HIBADH: variants seen among roughly 807,000 people sequenced by gnomAD.
HIBADH encodes 3-hydroxyisobutyrate dehydrogenase, mitochondrial.
Under a neutral mutation model 36.1 loss-of-function variants are expected in HIBADH, and 25 were observed. The ratio of observed to expected loss-of-function variants is 0.69; its 90% confidence interval spans 0.50 to 0.97. The LOEUF is 0.97. Ranked by LOEUF, HIBADH falls within the 50% of genes least tolerant of loss-of-function variation. The probability of loss-of-function intolerance (pLI) is 0.00; values close to 1 mark genes in which losing one functional copy is unlikely to be tolerated. For missense variants in HIBADH, 421 were observed against 418.0 expected (o/e 1.01, Z -0.06); for synonymous variants, 160 against 149.5 (o/e 1.07, Z -0.51).
chr7:27,600,348 T>A (rs181300049), intron 4 of HIBADH, among the ~76,000 whole-genome samples: 1 of 152,246 alleles, frequency 6.6e-6, no homozygotes, highest in Non-Finnish European at 1.5e-5. Flanking sequence ...ATCATTGAAG[T>A]CAGGCAAAGC....
chr7:27,585,718 C>A (rs1784852443), intron 4 of HIBADH, among the ~76,000 whole-genome samples: 1 of 152,106 alleles, frequency 6.6e-6, no homozygotes, highest in Non-Finnish European at 1.5e-5. Flanking sequence ...TTGGTTTCAC[C>A]AGATTTTGGT....
intron 1 of HIBADH, among the ~76,000 whole-genome samples, chr7:27,653,559 C>A (rs926100921): frequency 2.6e-5 from 4 of 151,988 alleles, no homozygotes; most frequent in African/African-American, 9.7e-5. Context: ...CATGGTGAAA[C>A]CCCGTCTCTA....
intron 6 of HIBADH, among the ~76,000 whole-genome samples, chr7:27,538,056 T>C (rs1465112779): frequency 2.6e-5 from 4 of 152,154 alleles, no homozygotes; most frequent in South Asian, 2.1e-4. Flanking sequence ...TTCAACATAA[T>C]AGAAGAAATG....
intron 2 of HIBADH, among the ~76,000 whole-genome samples, chr7:27,633,535 A>T (rs1159312633): frequency 2.8e-4 from 42 of 152,170 alleles, no homozygotes; most frequent in Non-Finnish European, 1.5e-4. Context: ...GGGGCGCACC[A>T]GTAGTCCCAG....
At chr7:27,594,389 C>A (rs141326164) in intron 4 of HIBADH, among the ~76,000 whole-genome samples, 4 of 152,056 alleles carry the variant, frequency 2.6e-5, no homozygotes, top group Non-Finnish European at 5.9e-5. Flanking sequence ...GTGATCCACC[C>A]GCCTTGGCCT....
At chr7:27,647,044 T>G (rs1786086054) in intron 2 of HIBADH, among the ~76,000 whole-genome samples, 1 of 152,166 alleles carries the variant, frequency 6.6e-6, no homozygotes, top group Non-Finnish European at 1.5e-5. Flanking sequence ...ATTTATAAAT[T>G]AGTCACAGTA....
At chr7:27,648,593 A>G (rs1786119458) in intron 2 of HIBADH, among the ~76,000 whole-genome samples, 1 of 152,140 alleles carries the variant, frequency 6.6e-6, no homozygotes, top group Non-Finnish European at 1.5e-5. Context: ...GGGATCACAC[A>G]CTATCCTCAG....
chr7:27,573,140 A>G (rs1186688788), intron 4 of HIBADH, among the ~76,000 whole-genome samples: 2 of 152,216 alleles, frequency 1.3e-5, no homozygotes, highest in Non-Finnish European at 2.9e-5. Flanking sequence ...AATTGTAAGT[A>G]GCTGAATTTA....
At chr7:27,555,075 T>C (rs148133711) in intron 4 of HIBADH, among the ~76,000 whole-genome samples, 1 of 152,274 alleles carries the variant, frequency 6.6e-6, no homozygotes, top group African/African-American at 2.4e-5. Context: ...TTGAATGCCA[T>C]GTGACTGTTT....
chr7:27,585,493 G>GC (rs1204400257), intron 4 of HIBADH, among the ~76,000 whole-genome samples: 1 of 152,058 alleles, frequency 6.6e-6, no homozygotes, highest in Non-Finnish European at 1.5e-5. Context: ...AGACTGGGTG[G>GC]CCCCAGATTA....
chr7:27,597,150 G>A (rs191697850), intron 4 of HIBADH, among the ~76,000 whole-genome samples: 108 of 152,002 alleles, frequency 7.1e-4, no homozygotes, highest in Admixed American at 1.2e-3. Flanking sequence ...AAGAGACAGC[G>A]TAGCACAAAA....
At chr7:27,554,581 A>G (rs1784365148) in intron 4 of HIBADH, among the ~76,000 whole-genome samples, 1 of 152,222 alleles carries the variant, frequency 6.6e-6, no homozygotes, top group Non-Finnish European at 1.5e-5. Flanking sequence ...AAAAACAGGC[A>G]TAATAATCAT....
intron 4 of HIBADH, among the ~76,000 whole-genome samples, chr7:27,619,821 T>TA (rs1785505562): frequency 6.6e-6 from 1 of 152,104 alleles, no homozygotes; most frequent in Non-Finnish European, 1.5e-5. Flanking sequence ...TGGGACAACA[T>TA]ACAGTGACCA....
chr7:27,534,826 G>A (rs980858024), intron 6 of HIBADH, among the ~76,000 whole-genome samples: 4 of 151,508 alleles, frequency 2.6e-5, no homozygotes, highest in African/African-American at 9.7e-5. Flanking sequence ...ACCACATATC[G>A]ACACCTACTA....
At chr7:27,656,644 G>T (rs1219374108) in intron 1 of HIBADH, among the ~76,000 whole-genome samples, 1 of 152,128 alleles carries the variant, frequency 6.6e-6, no homozygotes, top group Non-Finnish European at 1.5e-5. Flanking sequence ...CTTACACCTG[G>T]AGAGTTGGAC....
intron 4 of HIBADH, among the ~76,000 whole-genome samples, chr7:27,619,385 AG>A (rs1176934697): frequency 6.6e-6 from 1 of 152,256 alleles, no homozygotes; most frequent in African/African-American, 2.4e-5. Context: ...TATCAACATG[AG>A]GACACAGGAA....
intron 2 of HIBADH, among the ~76,000 whole-genome samples, chr7:27,646,054 G>A (rs566353968): frequency 1.1e-3 from 166 of 152,248 alleles, no homozygotes; most frequent in Non-Finnish European, 1.5e-3. Flanking sequence ...ATTTACCTCT[G>A]TGTTTTCTCC....
chr7:27,591,799 T>C (rs886408543), intron 4 of HIBADH, among the ~76,000 whole-genome samples: 1 of 152,218 alleles, frequency 6.6e-6, no homozygotes, highest in South Asian at 2.1e-4. Context: ...AATGGAGTTG[T>C]GGGCTTCTAA....
intron 4 of HIBADH, among the ~76,000 whole-genome samples, chr7:27,581,480 A>T (rs527883058): frequency 1.3e-5 from 2 of 152,276 alleles, no homozygotes; most frequent in African/African-American, 4.8e-5. Context: ...ATCTTCCTAA[A>T]ATTTGAAATT....
Sources: allele counts gnomAD v4.1 joint callset (sites outside exome capture counted in the v4.1 genomes callset), GRCh38; gene constraint gnomAD v4.1.1; transcripts MANE v1.5; gene names NCBI Gene and HGNC (gene_info 2026-07-23, HGNC 2026-07-21).